Variants in PRKCA observed in about 807,000 individuals in gnomAD.
PRKCA encodes protein kinase C alpha.
A neutral mutation model predicts 87.0 loss-of-function variants in PRKCA; 27 were observed. That is an observed-to-expected ratio of 0.31 (90% CI 0.23 to 0.43). The LOEUF (loss-of-function observed/expected upper bound fraction) is 0.43, where lower values mean the gene tolerates loss of function less well. Among genes scored for constraint, PRKCA ranks in the 20% least tolerant of loss-of-function variants. The pLI, the probability that PRKCA is intolerant of heterozygous loss-of-function variation, is 1.00. For synonymous variants in PRKCA, 329 were observed against 311.1 expected (o/e 1.06, Z -0.61); for missense variants, 518 against 852.3 (o/e 0.61, Z 4.88).
At chr17:66,690,116 A>G (rs913387308) in intron 8 of PRKCA, among the ~76,000 whole-genome samples, 2 of 152,250 alleles carry the variant, frequency 1.3e-5, no homozygotes, top group Non-Finnish European at 2.9e-5. Flanking sequence ...CAAAAGAAAC[A>G]TATAGGTCTT....
At chr17:66,568,166 T>C (rs1198416059) in intron 3 of PRKCA, among the ~76,000 whole-genome samples, 3 of 152,072 alleles carry the variant, frequency 2.0e-5, no homozygotes, top group African/African-American at 4.8e-5. Context: ...ATTATAAAAT[T>C]AGCTGGGCAT....
chr17:66,501,008 G>A (rs1289731817), intron 3 of PRKCA, among the ~76,000 whole-genome samples: 1 of 151,812 alleles, frequency 6.6e-6, no homozygotes, highest in East Asian at 1.9e-4. Context: ...CTGTTCATGT[G>A]CTGCTTAATA....
At chr17:66,493,265 A>G (rs1256231303) in intron 2 of PRKCA, among the ~76,000 whole-genome samples, 1 of 150,616 alleles carries the variant, frequency 6.6e-6, no homozygotes, top group Non-Finnish European at 1.5e-5. Context: ...AGTTGTATAT[A>G]TGTGTATATG....
intron 3 of PRKCA, among the ~76,000 whole-genome samples, chr17:66,627,547 G>A (rs576695491): frequency 5.9e-5 from 9 of 152,350 alleles, no homozygotes; most frequent in African/African-American, 9.6e-5. Context: ...AAAGTGAGAC[G>A]TGGAAGGGCA....
At chr17:66,331,364 C>T (rs941676675) in intron 2 of PRKCA, among the ~76,000 whole-genome samples, 8 of 152,146 alleles carry the variant, frequency 5.3e-5, no homozygotes, top group African/African-American at 1.9e-4. Flanking sequence ...ACTATGCTCT[C>T]CCATTTGGTT....
chr17:66,778,115 T>C (rs1457830976), intron 14 of PRKCA: 7 of 985,318 alleles, frequency 7.1e-6, no homozygotes, highest in African/African-American at 7.0e-5. Context: ...CAGCTCTCAA[T>C]AGTTCTGCAA....
intron 13 of PRKCA, among the ~76,000 whole-genome samples, chr17:66,748,428 G>T (rs139506758): frequency 7.2e-4 from 109 of 152,294 alleles, no homozygotes; most frequent in Non-Finnish European, 1.4e-3. Context: ...TATTTGGGGG[G>T]AGCATATTAA....
chr17:66,681,160 C>T (rs1251549894), intron 5 of PRKCA, among the ~76,000 whole-genome samples: 4 of 152,192 alleles, frequency 2.6e-5, no homozygotes, highest in South Asian at 4.1e-4. Context: ...ACCCGGGAGG[C>T]GGAAGTTGCA....
At chr17:66,339,916 A>G (rs1158187460) in intron 2 of PRKCA, 2 of 152,196 alleles carry the variant, frequency 1.3e-5, no homozygotes, top group Non-Finnish European at 2.9e-5. Flanking sequence ...CAATTAATGA[A>G]TGGAAGCTTC....
intron 2 of PRKCA, among the ~76,000 whole-genome samples, chr17:66,388,793 G>A (rs1175866453): frequency 6.6e-6 from 1 of 152,186 alleles, no homozygotes. Flanking sequence ...CAGGGTCGTG[G>A]AGAGACGGCA....
chr17:66,726,402 A>G (rs1452781332), intron 8 of PRKCA, among the ~76,000 whole-genome samples: 1 of 152,132 alleles, frequency 6.6e-6, no homozygotes. Context: ...GAACAGCAAG[A>G]CCCCTGCCCT....
chr17:66,445,262 A>T (rs1024696587), intron 2 of PRKCA, among the ~76,000 whole-genome samples: 15 of 152,228 alleles, frequency 9.9e-5, no homozygotes, highest in Admixed American at 3.3e-4. Context: ...TTTCCAGATG[A>T]GAAACCCAGG....
Position 66,686,077 on chromosome 17 carries a change from G to A in PRKCA, c.530-1034G>A, listed in dbSNP as rs1003480040. ...CTGATAATTCAGCCTTACTGGGAAA[G>A]ATGCCATGGGAAGATAGGAAGGCAT... On this transcript the variant is annotated intron_variant, in intron 5 of 16. Transcript: ENST00000413366. 3.3e-5 allele frequency among the ~76,000 whole-genome samples: 5 copies of A among 152,334 alleles called. No homozygotes were observed. In the East Asian group the frequency reaches 9.7e-4, roughly 29 times the overall value.
chr17:66,372,621 A>G (rs976461066), intron 2 of PRKCA, among the ~76,000 whole-genome samples: 31 of 152,348 alleles, frequency 2.0e-4, no homozygotes, highest in African/African-American at 6.7e-4. Flanking sequence ...CAAATCCCAC[A>G]TAACTATGTA....
chr17:66,593,100 T>G (rs1969862721), intron 3 of PRKCA, among the ~76,000 whole-genome samples: 1 of 152,222 alleles, frequency 6.6e-6, no homozygotes, highest in Non-Finnish European at 1.5e-5. Context: ...CAATTCATTT[T>G]ATTAAATAAA....
At chr17:66,777,323 A>G (rs1359303296) in intron 14 of PRKCA, 2 of 985,192 alleles carry the variant, frequency 2.0e-6, no homozygotes, top group Non-Finnish European at 2.4e-6. Context: ...TCTTGTAGAC[A>G]TTGAAAGACA....
chr17:66,436,665 C>CT (rs1355747173), intron 2 of PRKCA, among the ~76,000 whole-genome samples: 2 of 152,122 alleles, frequency 1.3e-5, no homozygotes, highest in African/African-American at 4.8e-5. Flanking sequence ...ATGGAGTGAA[C>CT]TCAGAGCTTG....
At chr17:66,694,830 T>C (rs956665314) in intron 8 of PRKCA, among the ~76,000 whole-genome samples, 2 of 151,690 alleles carry the variant, frequency 1.3e-5, no homozygotes, top group African/African-American at 4.8e-5. Context: ...TTTAAGACAG[T>C]TCCCGAAGTT....
chr17:66,456,965 G>T (rs939512990), intron 2 of PRKCA, among the ~76,000 whole-genome samples: 1 of 152,178 alleles, frequency 6.6e-6, no homozygotes, highest in Non-Finnish European at 1.5e-5. Flanking sequence ...TGCTTCTTCT[G>T]TACATGAATG....
Sources: gnomAD v4.1 joint callset for allele counts (sites outside exome capture counted in the v4.1 genomes callset) on GRCh38, gnomAD v4.1.1 for gene constraint, MANE v1.5 for transcripts, NCBI Gene and HGNC (gene_info 2026-07-23, HGNC 2026-07-21) for gene names.